The following TFDP2 variants were observed in gnomAD, a reference collection of about 807,000 sequenced individuals.
TFDP2 encodes transcription factor Dp-2.
In TFDP2, 17 loss-of-function variants were observed where a neutral mutation model predicts 59.3. That is an observed-to-expected ratio of 0.29 (90% CI 0.20 to 0.43). The LOEUF (loss-of-function observed/expected upper bound fraction) is 0.43. TFDP2 is among the 20% of genes least tolerant of loss of function. The probability of loss-of-function intolerance (pLI) is 1.00; values close to 1 mark genes in which losing one functional copy is unlikely to be tolerated. For missense variants in TFDP2, 391 were observed against 528.8 expected, an observed-to-expected ratio of 0.74 and a Z score of 2.56; for synonymous variants, 180 against 194.7, an observed-to-expected ratio of 0.92 and a Z score of 0.63.
intron 3 of TFDP2, among the ~76,000 whole-genome samples, chr3:142,040,469 C>T (rs1946907536): frequency 6.6e-6 from 1 of 151,262 alleles, no homozygotes; most frequent in African/African-American, 2.4e-5. Context: ...CTCTTGTTAT[C>T]CAGGCTGGAG....
chr3:142,073,503 A>G, intron 3 of TFDP2, among the ~76,000 whole-genome samples: 1 of 138,622 alleles, frequency 7.2e-6, no homozygotes, highest in Non-Finnish European at 1.5e-5. Flanking sequence ...ACAAAGACTA[A>G]GGGCAGTTTC....
At chr3:142,017,593 C>T (rs1945236005) in intron 3 of TFDP2, among the ~76,000 whole-genome samples, 2 of 144,648 alleles carry the variant, frequency 1.4e-5, no homozygotes, top group African/African-American at 5.3e-5. Flanking sequence ...CGCTCTGTCG[C>T]CTAGGCTGGA....
chr3:142,038,109 GCGCAGTGGCACA>G, intron 3 of TFDP2, among the ~76,000 whole-genome samples: 1 of 152,318 alleles, frequency 6.6e-6, no homozygotes, highest in Middle Eastern at 3.4e-3. Flanking sequence ...GAAGGGCCAG[GCGCAGTGGCACA>G]CGCCTGTAAT....
intron 3 of TFDP2, among the ~76,000 whole-genome samples, chr3:142,034,683 T>C (rs1335793774): frequency 2.0e-5 from 3 of 151,390 alleles, no homozygotes; most frequent in Admixed American, 1.3e-4. Context: ...ACAAATCCCA[T>C]CTTCTTAATA....
chr3:141,987,456 T>C (rs1459766064), intron 6 of TFDP2, among the ~76,000 whole-genome samples: 1 of 151,942 alleles, frequency 6.6e-6, no homozygotes, highest in Middle Eastern at 3.4e-3. Context: ...TAATGTTTTG[T>C]ATTTTTAGTA....
chr3:141,996,523 T>C (rs574271902), intron 4 of TFDP2, among the ~76,000 whole-genome samples: 1 of 152,344 alleles, frequency 6.6e-6, no homozygotes, highest in African/African-American at 2.4e-5. Flanking sequence ...CAAGACAAAA[T>C]GCTAATTAAT....
intron 3 of TFDP2, among the ~76,000 whole-genome samples, chr3:142,085,901 CA>C (rs1442633435): frequency 2.6e-5 from 4 of 152,220 alleles, no homozygotes; most frequent in Admixed American, 2.0e-4. Flanking sequence ...CTCAATCAAT[CA>C]AACTGTGATC....
chr3:142,036,297 T>A (rs1485003978), intron 3 of TFDP2, among the ~76,000 whole-genome samples: 1 of 152,196 alleles, frequency 6.6e-6, no homozygotes, highest in Non-Finnish European at 1.5e-5. Flanking sequence ...GGTCCATGAC[T>A]TTACTGCTAA....
chr3:141,977,107 T>TATATATATATATATATATATATATATA (rs1491255094), intron 7 of TFDP2, among the ~76,000 whole-genome samples: 15 of 86,626 alleles, frequency 1.7e-4, no homozygotes, highest in African/African-American at 6.5e-4. Context: ...TATATATATA[T>TATATATATATATATATATATATATATA]TTTTTTTTTT....
intron 3 of TFDP2, among the ~76,000 whole-genome samples, chr3:142,008,496 T>C (rs1003860102): frequency 3.3e-5 from 5 of 152,032 alleles, no homozygotes; most frequent in African/African-American, 1.2e-4. Context: ...TCCAACCAGA[T>C]TAAATACTTT....
chr3:141,988,669 C>CTTTTTTTTTTT (rs540352017), intron 6 of TFDP2, among the ~76,000 whole-genome samples: 23 of 125,686 alleles, frequency 1.8e-4, no homozygotes, highest in East Asian at 6.9e-4. Flanking sequence ...CTTTTCTTTT[C>CTTTTTTTTTTT]TTTTTTTTTT....
chr3:142,073,464 C>T (rs1166544398), intron 3 of TFDP2, among the ~76,000 whole-genome samples: 3 of 66,098 alleles, frequency 4.5e-5, no homozygotes, highest in Non-Finnish European at 8.9e-5. Flanking sequence ...ACAACCCCCC[C>T]CCCCCCGCAA....
intron 1 of TFDP2, among the ~76,000 whole-genome samples, chr3:142,139,703 C>A (rs1334163955): frequency 6.6e-6 from 1 of 152,202 alleles, no homozygotes; most frequent in Non-Finnish European, 1.5e-5. Context: ...CCCCCACTCT[C>A]TTCTGGCTTG....
At chr3:142,099,042 G>A (rs751705903) in intron 2 of TFDP2, among the ~76,000 whole-genome samples, 43 of 152,218 alleles carry the variant, frequency 2.8e-4, no homozygotes, top group Admixed American at 5.9e-4. Flanking sequence ...GTTGTCATCA[G>A]AGACATGTAA....
chr3:142,055,332 C>T (rs2059704297), intron 3 of TFDP2, among the ~76,000 whole-genome samples: 1 of 152,024 alleles, frequency 6.6e-6, no homozygotes, highest in South Asian at 2.1e-4. Flanking sequence ...ATTATAAATG[C>T]CTATCAATCC....
intron 3 of TFDP2, among the ~76,000 whole-genome samples, chr3:142,017,897 A>T (rs1257998265): frequency 1.3e-5 from 2 of 150,950 alleles, no homozygotes; most frequent in Admixed American, 6.6e-5. Context: ...TATCCATCTC[A>T]GATGCCTTTC....
At chr3:142,062,663 G>A (rs76339511) in intron 3 of TFDP2, among the ~76,000 whole-genome samples, 6,928 of 151,960 alleles carry the variant, frequency 0.046, 515 homozygotes, top group African/African-American at 0.15. Flanking sequence ...GTAGAAATAC[G>A]TACATGTGTT....
chr3:142,141,839 C>T (rs761326646), intron 1 of TFDP2, among the ~76,000 whole-genome samples: 3 of 151,298 alleles, frequency 2.0e-5, no homozygotes, highest in Non-Finnish European at 4.4e-5. Flanking sequence ...AAAAAAAAGT[C>T]AAAAGAGCAT....
chr3:141,972,771 G>A (rs886438747), intron 8 of TFDP2, among the ~76,000 whole-genome samples: 4 of 152,088 alleles, frequency 2.6e-5, no homozygotes, highest in Admixed American at 2.0e-4. Context: ...ACAGTACCTT[G>A]GGGTCAGAGA....
Sources: allele counts gnomAD v4.1 joint callset (sites outside exome capture counted in the v4.1 genomes callset), GRCh38; gene constraint gnomAD v4.1.1; transcripts MANE v1.5; gene names NCBI Gene and HGNC (gene_info 2026-07-23, HGNC 2026-07-21).